ARHGEF3: variants seen among roughly 807,000 people sequenced by gnomAD.
ARHGEF3 encodes Rho guanine nucleotide exchange factor 3.
In ARHGEF3, 28 loss-of-function variants were observed where a neutral mutation model predicts 63.2. That is an observed-to-expected ratio of 0.44 (90% confidence interval 0.33 to 0.61). The LOEUF (loss-of-function observed/expected upper bound fraction) is 0.61, where lower values mean the gene tolerates loss of function less well. ARHGEF3 is among the 20% of genes least tolerant of loss of function. ARHGEF3 has a pLI of 0.03. For missense variants in ARHGEF3, 533 were observed against 659.3 expected, an observed-to-expected ratio of 0.81 and a Z score of 2.10; for synonymous variants, 266 against 254.2, an observed-to-expected ratio of 1.05 and a Z score of -0.44.
Position 56,733,364 on chromosome 3 carries a change from T to A in ARHGEF3, c.1042-940A>T, listed in dbSNP as rs1188811010. ...GGGGGGGGGCGCCTGTAATCCCAGC[T>A]ACTCAGGAGGCTGAGGCAGGAGAAT... On this transcript the variant is annotated intron_variant, in intron 8 of 9. Transcript: ENST00000296315. Among the ~76,000 whole-genome samples the A allele has an allele frequency of 1.7e-4, 15 of 90,224 alleles. 1 individual carries two copies. The highest frequency in any genetic ancestry group is 3.3e-4 in the Admixed American group (2 of 6,032). The allele number at this position is 90,224 out of a possible 152,430, so 59.2% of individuals were successfully genotyped here.
At chr3:56,787,864 A>G (rs35550387) in intron 1 of ARHGEF3, among the ~76,000 whole-genome samples, 50,224 of 152,038 alleles carry the variant, frequency 0.33, 9,368 homozygotes, top group Middle Eastern at 0.57. Flanking sequence ...ACTGAGACTC[A>G]GAGGCGTTAA....
chr3:56,882,371 A>C (rs1197918174), intron 3 of ARHGEF3: 2 of 1,551,544 alleles, frequency 1.3e-6, no homozygotes, highest in Admixed American at 3.9e-5. Flanking sequence ...AACAAACGAA[A>C]AAACAAAGTT....
At chr3:56,758,699 T>C (rs534605437) in intron 2 of ARHGEF3, among the ~76,000 whole-genome samples, 1 of 152,276 alleles carries the variant, frequency 6.6e-6, no homozygotes, top group South Asian at 2.1e-4. Flanking sequence ...CAAATCCTTG[T>C]GATCTCTTAA....
intron 2 of ARHGEF3, among the ~76,000 whole-genome samples, chr3:57,024,461 T>C (rs963776421): frequency 4.0e-5 from 6 of 151,544 alleles, no homozygotes; most frequent in African/African-American, 1.5e-4. Context: ...CAAAAAAAAA[T>C]CCACTTTGTG....
At chr3:57,006,537 G>A (rs946549768) in intron 2 of ARHGEF3, among the ~76,000 whole-genome samples, 1 of 152,182 alleles carries the variant, frequency 6.6e-6, no homozygotes. Flanking sequence ...GGCAGCATCC[G>A]GGGTGATCAG....
At chr3:56,807,404 G>GTT (rs1460762215) in intron 4 of ARHGEF3, among the ~76,000 whole-genome samples, 1 of 152,160 alleles carries the variant, frequency 6.6e-6, no homozygotes, top group Non-Finnish European at 1.5e-5. Flanking sequence ...TAACCTATGT[G>GTT]TTTACATTTG....
At chr3:56,758,388 GA>G (rs1355722262) in intron 2 of ARHGEF3, among the ~76,000 whole-genome samples, 10 of 151,730 alleles carry the variant, frequency 6.6e-5, no homozygotes, top group Non-Finnish European at 1.3e-4. Flanking sequence ...TGAGGAGTTC[GA>G]GACCACTCTG....
At chr3:56,790,342 G>A (rs948549938) in intron 1 of ARHGEF3, among the ~76,000 whole-genome samples, 4 of 152,206 alleles carry the variant, frequency 2.6e-5, no homozygotes, top group African/African-American at 9.7e-5. Context: ...CATCTGAGGA[G>A]GAAGGAGGTG....
intron 3 of ARHGEF3, among the ~76,000 whole-genome samples, chr3:56,943,329 A>G (rs1323702772): frequency 6.6e-6 from 1 of 152,204 alleles, no homozygotes; most frequent in Non-Finnish European, 1.5e-5. Context: ...GAATGATGCT[A>G]AATCTACTTT....
At chr3:56,793,661 A>G (rs897171764) in intron 1 of ARHGEF3, among the ~76,000 whole-genome samples, 4 of 152,196 alleles carry the variant, frequency 2.6e-5, no homozygotes, top group Non-Finnish European at 5.9e-5. Flanking sequence ...ATAGCACCTT[A>G]TTATTGCCTT....
intron 9 of ARHGEF3, among the ~76,000 whole-genome samples, chr3:56,731,178 T>A (rs2033128640): frequency 6.6e-6 from 1 of 152,210 alleles, no homozygotes; most frequent in African/African-American, 2.4e-5. Flanking sequence ...GACAGTATGA[T>A]GCCTATGTTA....
At chr3:56,920,703 G>C (rs1227835177) in intron 3 of ARHGEF3, among the ~76,000 whole-genome samples, 1 of 152,074 alleles carries the variant, frequency 6.6e-6, no homozygotes, top group African/African-American at 2.4e-5. Context: ...TACCCCATTT[G>C]ATACTTCAAA....
chr3:57,055,846 A>G (rs1579180725), intron 1 of ARHGEF3, among the ~76,000 whole-genome samples: 2 of 152,312 alleles, frequency 1.3e-5, no homozygotes, highest in African/African-American at 4.8e-5. Flanking sequence ...ACAAACTTCC[A>G]CCTTATATAA....
intron 2 of ARHGEF3, among the ~76,000 whole-genome samples, chr3:56,981,040 C>T (rs1162890814): frequency 1.3e-5 from 2 of 152,230 alleles, no homozygotes; most frequent in Non-Finnish European, 2.9e-5. Flanking sequence ...CCCCTGCAGA[C>T]GTCTGACTAA....
chr3:56,779,945 CTG>C (rs928285581), intron 1 of ARHGEF3, among the ~76,000 whole-genome samples: 43 of 152,360 alleles, frequency 2.8e-4, no homozygotes, highest in African/African-American at 1.0e-3. Context: ...AACTTACAAT[CTG>C]TGCAGGTGCT....
chr3:56,733,984 CAAAA>C (rs777924213), intron 8 of ARHGEF3, among the ~76,000 whole-genome samples: 5,013 of 54,926 alleles, frequency 0.091, 117 homozygotes, highest in South Asian at 0.25. Context: ...AATTCTGTCT[CAAAA>C]AAAAAAAAAA....
intron 2 of ARHGEF3, among the ~76,000 whole-genome samples, chr3:57,004,273 C>A (rs1702382007): frequency 1.3e-5 from 2 of 152,230 alleles, no homozygotes; most frequent in African/African-American, 4.8e-5. Context: ...CACTTATTTG[C>A]AGATGTTTCA....
chr3:57,003,143 C>T (rs1226508634), intron 2 of ARHGEF3, among the ~76,000 whole-genome samples: 6 of 151,368 alleles, frequency 4.0e-5, no homozygotes, highest in South Asian at 2.1e-4. Flanking sequence ...CAGTGGCTCA[C>T]GCTTATAATC....
intron 3 of ARHGEF3, among the ~76,000 whole-genome samples, chr3:56,931,062 A>C (rs1156654331): frequency 6.6e-6 from 1 of 152,216 alleles, no homozygotes; most frequent in Non-Finnish European, 1.5e-5. Context: ...ATGTTTCAAG[A>C]ACAGCAAATC....
Sources: gnomAD v4.1 joint callset for allele counts (sites outside exome capture counted in the v4.1 genomes callset) on GRCh38, gnomAD v4.1.1 for gene constraint, MANE v1.5 for transcripts, NCBI Gene and HGNC (gene_info 2026-07-23, HGNC 2026-07-21) for gene names.